DCK: variants seen among roughly 807,000 people sequenced by gnomAD.
DCK encodes deoxycytidine kinase, also known as deoxyadenosine kinase.
A neutral mutation model predicts 38.3 loss-of-function variants in DCK; 23 were observed. The observed-to-expected ratio is 0.60, with a 90% CI of 0.43 to 0.85. DCK has a LOEUF of 0.85. Among genes scored for constraint, DCK ranks in the 40% least tolerant of loss-of-function variants. The pLI is 0.00. For synonymous variants in DCK, 108 were observed against 100.6 expected (o/e 1.07, Z -0.44); for missense variants, 259 against 304.4 (o/e 0.85, Z 1.11).
chr4:71,022,667 G>A, intron 3 of DCK, 107 bp downstream of exon 3: 3 of 583,734 alleles, frequency 5.1e-6, no homozygotes, highest in Non-Finnish European at 8.0e-6. Context: ...GAATGGCTGA[G>A]CTGGGGATTT....
chr4:71,023,073 C>T (rs1405493201), intron 3 of DCK, among the ~76,000 whole-genome samples: 1 of 151,912 alleles, frequency 6.6e-6, no homozygotes, highest in East Asian at 1.9e-4. Flanking sequence ...CTTAACATTA[C>T]TAGAAATTAA....
intron 2 of DCK, among the ~76,000 whole-genome samples, chr4:71,004,507 C>T (rs150763656): frequency 2.6e-5 from 4 of 152,364 alleles, no homozygotes; most frequent in Non-Finnish European, 5.9e-5. Flanking sequence ...TTCCACTGCT[C>T]TCTTCAGAGC....
intron 2 of DCK, among the ~76,000 whole-genome samples, chr4:71,016,146 A>G (rs996505914): frequency 2.6e-5 from 4 of 152,204 alleles, no homozygotes; most frequent in African/African-American, 7.2e-5. Context: ...ATAACAGACA[A>G]ACAGAGAGCC....
At chr4:71,005,508 ATT>A (rs748284378) in intron 2 of DCK, among the ~76,000 whole-genome samples, 6 of 142,490 alleles carry the variant, frequency 4.2e-5, no homozygotes, top group Non-Finnish European at 6.2e-5. Flanking sequence ...GTCTTTTCTA[ATT>A]TTTTTTTTTT....
At chr4:71,010,649 T>C (rs1671244851) in intron 2 of DCK, among the ~76,000 whole-genome samples, 1 of 147,578 alleles carries the variant, frequency 6.8e-6, no homozygotes, top group South Asian at 2.1e-4. Flanking sequence ...ATATGTAATG[T>C]AAATTATATA....
At chr4:70,994,979 G>GT (rs1278612809) in intron 1 of DCK, among the ~76,000 whole-genome samples, 1 of 152,144 alleles carries the variant, frequency 6.6e-6, no homozygotes, top group African/African-American at 2.4e-5. Flanking sequence ...TCCAGGTTGG[G>GT]TGCTGGTCAT....
chr4:70,996,534 G>A (rs1739665058), intron 1 of DCK, among the ~76,000 whole-genome samples: 3 of 152,090 alleles, frequency 2.0e-5, no homozygotes, highest in Admixed American at 6.5e-5. Flanking sequence ...GCCATTTTTC[G>A]TCTCCCTGAC....
intron 2 of DCK, among the ~76,000 whole-genome samples, chr4:71,020,578 C>G (rs1418065878): frequency 6.6e-6 from 1 of 152,102 alleles, no homozygotes; most frequent in Non-Finnish European, 1.5e-5. Context: ...CACTTTATTA[C>G]CCTGAAAGTA....
chr4:70,994,804 C>T (rs1739623812), intron 1 of DCK, among the ~76,000 whole-genome samples: 1 of 152,202 alleles, frequency 6.6e-6, no homozygotes, highest in South Asian at 2.1e-4. Context: ...GATTATGATT[C>T]AAAGACCACT....
chr4:71,016,631 A>G (rs184649359), intron 2 of DCK, among the ~76,000 whole-genome samples: 1,748 of 152,288 alleles, frequency 0.011, 37 homozygotes, highest in African/African-American at 0.04. Context: ...ATAATACCAC[A>G]CATCTACAAC....
At chr4:71,026,115 A>G (rs1288433800) in intron 5 of DCK, among the ~76,000 whole-genome samples, 184 bp downstream of exon 5, 1 of 152,118 alleles carries the variant, frequency 6.6e-6, no homozygotes, top group Non-Finnish European at 1.5e-5. Flanking sequence ...CTATTTACTT[A>G]AAGTTTTTAT....
chr4:71,003,963 C>T (rs1024980669), intron 2 of DCK, among the ~76,000 whole-genome samples: 10 of 152,204 alleles, frequency 6.6e-5, no homozygotes, highest in Non-Finnish European at 1.3e-4. Context: ...TCTGTCAATT[C>T]GTCACACTTA....
chr4:71,008,534 G>A (rs1454777937), intron 2 of DCK, among the ~76,000 whole-genome samples: 1 of 152,148 alleles, frequency 6.6e-6, no homozygotes, highest in Non-Finnish European at 1.5e-5. Context: ...CTTAGCTTTT[G>A]AAGGAGAGAC....
At chr4:71,007,292 T>G (rs1739970127) in intron 2 of DCK, among the ~76,000 whole-genome samples, 1 of 152,224 alleles carries the variant, frequency 6.6e-6, no homozygotes. Context: ...TTTAAAAACA[T>G]TTTTGACATG....
intron 2 of DCK, among the ~76,000 whole-genome samples, chr4:71,019,143 C>T (rs774859514): frequency 9.2e-5 from 14 of 152,122 alleles, no homozygotes; most frequent in Admixed American, 3.9e-4. Context: ...ATTTGTTACA[C>T]TATTAAACTA....
At chr4:71,000,419 T>C (rs1477060958) in intron 2 of DCK, among the ~76,000 whole-genome samples, 1 of 152,254 alleles carries the variant, frequency 6.6e-6, no homozygotes, top group Non-Finnish European at 1.5e-5. Context: ...TTTTGGTTAC[T>C]GTAGCCTTGT....
chr4:71,008,257 A>G (rs1257743185), intron 2 of DCK, among the ~76,000 whole-genome samples: 1 of 152,210 alleles, frequency 6.6e-6, no homozygotes, highest in Admixed American at 6.5e-5. Flanking sequence ...AGTGTAATCA[A>G]GCTCTCATTA....
At chr4:71,012,202 G>C (rs565279578) in intron 2 of DCK, among the ~76,000 whole-genome samples, 30 of 152,220 alleles carry the variant, frequency 2.0e-4, no homozygotes, top group Non-Finnish European at 2.8e-4. Context: ...ACTGCAAGGC[G>C]GCAGTGAGGC....
chr4:71,017,735 C>G (rs1367079484), intron 2 of DCK, among the ~76,000 whole-genome samples: 1 of 136,084 alleles, frequency 7.3e-6, no homozygotes, highest in Non-Finnish European at 1.5e-5. Context: ...ACAATGAGAA[C>G]TCTTGGACAC....
Sources: allele counts gnomAD v4.1 joint callset (sites outside exome capture counted in the v4.1 genomes callset), GRCh38; gene constraint gnomAD v4.1.1; transcripts MANE v1.5; gene names NCBI Gene and HGNC (gene_info 2026-07-23, HGNC 2026-07-21).